Variants in EIF3H observed in about 807,000 individuals in gnomAD.
The protein encoded by EIF3H is eIF-3-gamma.
EIF3H carries 26 observed loss-of-function variants against 44.2 expected under a neutral mutation model. The ratio of observed to expected loss-of-function variants is 0.59; its 90% CI spans 0.43 to 0.82. The LOEUF is 0.82. Among genes scored for constraint, EIF3H ranks in the 40% least tolerant of loss-of-function variants. The pLI is 0.00. For missense variants in EIF3H, 359 were observed against 432.8 expected (o/e 0.83, Z 1.51); for synonymous variants, 166 against 151.9 (o/e 1.09, Z -0.68).
At chr8:116,709,108 A>G (rs990090009) in intron 2 of EIF3H, among the ~76,000 whole-genome samples, 1 of 152,140 alleles carries the variant, frequency 6.6e-6, no homozygotes, top group Non-Finnish European at 1.5e-5. Flanking sequence ...TACTGTGATC[A>G]AAGTATCAAG....
At chr8:116,646,689 A>AC in intron 6 of EIF3H, 86 bp from the exon 7 acceptor site, 1 of 1,528,810 alleles carries the variant, frequency 6.5e-7, no homozygotes, top group Non-Finnish European at 8.9e-7. Context: ...AACCAGCAGA[A>AC]CCCCACTGCT....
At chr8:116,754,716 C>T (rs1815411955) in intron 1 of EIF3H, among the ~76,000 whole-genome samples, 2 of 152,204 alleles carry the variant, frequency 1.3e-5, no homozygotes, top group Admixed American at 1.3e-4. Flanking sequence ...ACTGAATGAG[C>T]TCTTAACCAC....
intron 1 of EIF3H, among the ~76,000 whole-genome samples, chr8:116,738,080 C>T (rs1815073321): frequency 6.6e-6 from 1 of 150,558 alleles, no homozygotes; most frequent in Non-Finnish European, 1.5e-5. Context: ...CATACTTCTT[C>T]CTTTATACAT....
At chr8:116,677,596 AG>A (rs1266051442) in intron 2 of EIF3H, among the ~76,000 whole-genome samples, 1 of 152,268 alleles carries the variant, frequency 6.6e-6, no homozygotes, top group Non-Finnish European at 1.5e-5. Flanking sequence ...TAACAATAAT[AG>A]CTTCCATTTA....
At chr8:116,723,402 A>G (rs904776797) in intron 2 of EIF3H, among the ~76,000 whole-genome samples, 1 of 151,580 alleles carries the variant, frequency 6.6e-6, no homozygotes, top group Non-Finnish European at 1.5e-5. Context: ...AGGTAATTCA[A>G]ATGAAATAGG....
At chr8:116,722,174 T>C (rs976071222) in intron 2 of EIF3H, among the ~76,000 whole-genome samples, 2 of 152,108 alleles carry the variant, frequency 1.3e-5, no homozygotes, top group Non-Finnish European at 2.9e-5. Context: ...CCCCATACTG[T>C]TCTTGTGGTA....
At chr8:116,670,051 G>T (rs1813727864) in intron 2 of EIF3H, among the ~76,000 whole-genome samples, 1 of 152,160 alleles carries the variant, frequency 6.6e-6, no homozygotes, top group Non-Finnish European at 1.5e-5. Context: ...TTTAAATGGG[G>T]CCATGTTACA....
At chr8:116,697,044 C>A in intron 2 of EIF3H, 1 of 455,976 alleles carries the variant, frequency 2.2e-6, no homozygotes, top group South Asian at 1.5e-5. Flanking sequence ...GTGGACAGCC[C>A]TGGCTCACCT....
At chr8:116,732,779 C>T (rs1212715903) in intron 1 of EIF3H, among the ~76,000 whole-genome samples, 1 of 152,138 alleles carries the variant, frequency 6.6e-6, no homozygotes, top group Admixed American at 6.5e-5. Context: ...TTTCATGGGG[C>T]TCATATTTTT....
intron 5 of EIF3H, among the ~76,000 whole-genome samples, chr8:116,650,739 C>T (rs1487631806): frequency 2.6e-5 from 4 of 152,148 alleles, no homozygotes; most frequent in Admixed American, 6.5e-5. Flanking sequence ...CTCCACCTCC[C>T]GGGTTCAAGC....
At chr8:116,754,038 T>A (rs1271830584) in intron 1 of EIF3H, among the ~76,000 whole-genome samples, 6 of 152,182 alleles carry the variant, frequency 3.9e-5, no homozygotes, top group African/African-American at 1.4e-4. Flanking sequence ...AGATACGTCA[T>A]TTATTCCTGA....
At chr8:116,657,732 C>T (rs73322490) in intron 3 of EIF3H, 6,131 of 163,338 alleles carry the variant, frequency 0.038, 430 homozygotes, top group African/African-American at 0.14. Flanking sequence ...TGAATAGCCC[C>T]GCACACAAAA....
intron 1 of EIF3H, among the ~76,000 whole-genome samples, chr8:116,761,402 C>T (rs1815518054): frequency 6.6e-6 from 1 of 152,160 alleles, no homozygotes; most frequent in Non-Finnish European, 1.5e-5. Flanking sequence ...ATCCCAGCTA[C>T]TCAGGAGGCT....
At chr8:116,668,338 G>A (rs1445338542) in intron 2 of EIF3H, among the ~76,000 whole-genome samples, 1 of 152,196 alleles carries the variant, frequency 6.6e-6, no homozygotes, top group Non-Finnish European at 1.5e-5. Context: ...TGCTAAAATG[G>A]TAACGGAATT....
At chr8:116,717,174 A>G (rs988459598) in intron 2 of EIF3H, among the ~76,000 whole-genome samples, 1 of 152,002 alleles carries the variant, frequency 6.6e-6, no homozygotes, top group Non-Finnish European at 1.5e-5. Context: ...CCATTAATAT[A>G]GAGTATATGG....
At chr8:116,744,723 TTAAA>T (rs1300335360) in intron 1 of EIF3H, among the ~76,000 whole-genome samples, 3 of 152,216 alleles carry the variant, frequency 2.0e-5, no homozygotes, top group African/African-American at 7.2e-5. Flanking sequence ...GTACCGTAAA[TTAAA>T]TATTTTACGA....
intron 1 of EIF3H, among the ~76,000 whole-genome samples, chr8:116,734,555 C>T (rs1158861033): frequency 3.9e-5 from 6 of 152,190 alleles, no homozygotes; most frequent in African/African-American, 1.4e-4. Flanking sequence ...CACCTACTGG[C>T]AGAAAGTTGT....
At chr8:116,765,960 G>A (rs1044637002) in exon 1 of EIF3H, 1 of 152,196 alleles carries the variant, frequency 6.6e-6, no homozygotes, top group Non-Finnish European at 1.5e-5. Context: ...AGTTTCTATG[G>A]TGGTGTAGCA....
At chr8:116,664,448 G>A (rs1813635065) in intron 2 of EIF3H, among the ~76,000 whole-genome samples, 1 of 152,188 alleles carries the variant, frequency 6.6e-6, no homozygotes, top group Non-Finnish European at 1.5e-5. Context: ...CACTGGAAAG[G>A]ACAACAGAGT....
Sources: gnomAD v4.1 joint callset for allele counts (sites outside exome capture counted in the v4.1 genomes callset) on GRCh38, gnomAD v4.1.1 for gene constraint, MANE v1.5 for transcripts, NCBI Gene and HGNC (gene_info 2026-07-23, HGNC 2026-07-21) for gene names.